UNKL: variants seen among roughly 807,000 people sequenced by gnomAD.
UNKL encodes the protein putative E3 ubiquitin-protein ligase UNKL.
UNKL carries 60 observed loss-of-function variants against 78.0 expected under a neutral mutation model. The observed-to-expected ratio is 0.77, with a 90% CI of 0.63 to 0.95. UNKL has a LOEUF of 0.95. UNKL is among the 40% of genes least tolerant of loss of function. The probability of loss-of-function intolerance (pLI) is 0.00; values close to 1 mark genes in which losing one functional copy is unlikely to be tolerated. For missense variants in UNKL, 1,159 were observed against 1,045.7 expected (o/e 1.11, Z -1.49); for synonymous variants, 608 against 474.8 (o/e 1.28, Z -3.65).
intron 10 of UNKL, among the ~76,000 whole-genome samples, chr16:1,376,716 G>A (rs1413318887): frequency 6.7e-6 from 1 of 150,348 alleles, no homozygotes; most frequent in Non-Finnish European, 1.5e-5. Flanking sequence ...ACCCCCCCAT[G>A]GACGCCTGAT....
intron 10 of UNKL, among the ~76,000 whole-genome samples, chr16:1,375,423 C>T (rs115265808): frequency 6.6e-6 from 1 of 152,226 alleles, no homozygotes; most frequent in South Asian, 2.1e-4. Flanking sequence ...CTCGTCCACA[C>T]GCCAGCCGTG....
At position 1,394,936 on chromosome 16, in the gene UNKL, C is replaced by A. The variant is rs530647215; in HGVS notation, c.853-721G>T. On this transcript the variant is annotated intron_variant, in intron 6 of 14. Transcript: ENST00000389221. ...TCTGTCACCCAGGCTGGAGTGCAGT[C>A]GCAAGATCTCGGCTCACTGCAACGT... 2.6e-5 allele frequency among the ~76,000 whole-genome samples: 4 copies of A among 151,730 alleles called. No homozygotes were observed. In the South Asian group the frequency reaches 8.3e-4, roughly 32 times the overall value.
intron 4 of UNKL, chr16:1,401,285 G>A: frequency 2.9e-6 from 1 of 342,024 alleles, no homozygotes. Flanking sequence ...TCCGGTGGGA[G>A]TTGTGCTACC....
rs1339119248 is a variant in UNKL at position 1,366,343 on chromosome 16, T to C, written c.2099A>G (p.His700Arg). ...KQCVACRERAHGAVLRPCQHH... is the reference protein window; with the variant it reads ...KQCVACRERARGAVLRPCQHH... ...CTGACAGGGCCGCAGGACAGCACCG[T>C]GGGCCCGCTCCCGGCAGGCCACACA... Residue 700 changes from histidine (H) to arginine (R), a missense_variant, in exon 15 of 15, where the codon CAC becomes CGC. Transcript: ENST00000389221. The C allele has an allele frequency of 5.0e-6, 8 of 1,604,854 alleles. No individual in the cohort carries two copies. The highest frequency in any genetic ancestry group is 1.7e-5 in the Admixed American group (1 of 59,324).
At chr16:1,414,252 C>T (rs1420902603) in intron 1 of UNKL, among the ~76,000 whole-genome samples, 197 bp from the exon 2 acceptor site, 1 of 152,086 alleles carries the variant, frequency 6.6e-6, no homozygotes, top group African/African-American at 2.4e-5. Flanking sequence ...GTAGCCCAGG[C>T]GCTGACCCTG....
rs909476525 is a variant in UNKL, at chr16:1,404,926, G to A, written c.288-1582C>T. On this transcript the variant is annotated intron_variant, in intron 2 of 14. Coordinates refer to ENST00000389221, the MANE Select transcript of UNKL (RefSeq NM_001372107.1). ...CTTAGAAGGAAGGACTGGCACACTG[G>A]CTGACATCTGTAATCCCAGCACTTT... Among the ~76,000 whole-genome samples, 4 of 152,276 alleles carry A rather than the reference G, an allele frequency of 2.6e-5. No homozygotes were observed. The East Asian group carries it at 7.7e-4, about 29-fold the overall frequency.
At chr16:1,388,130 G>A (rs558277030) in intron 9 of UNKL, among the ~76,000 whole-genome samples, 2 of 152,272 alleles carry the variant, frequency 1.3e-5, no homozygotes, top group Admixed American at 6.5e-5. Context: ...CCAAGAAGCC[G>A]TGGACGACGC....
Position 1,413,873 on chromosome 16 carries a change from G to A in UNKL, c.260C>T (p.Ala87Val). 1 of 1,534,204 alleles carries A rather than the reference G, an allele frequency of 6.5e-7. No individual in the cohort carries two copies. The highest frequency in any genetic ancestry group is 1.2e-5 in the South Asian group (1 of 83,978). ...GTCGCCGTCGGGGCACACGCCGGTG[G>A]CTTCGTTGTACTTGGAGCAGTACAC... ...PDVYCSKYNE[A>V]TGVCPDGDEC... The change falls in exon 2 of 15, where the codon GCC (alanine) becomes GTC (valine). Residue 87 changes from alanine to valine, a missense_variant. Ala to Val is a moderately conservative substitution (Grantham distance 64). Coordinates refer to ENST00000389221, the MANE Select transcript of UNKL (RefSeq NM_001372107.1).
intron 12 of UNKL, among the ~76,000 whole-genome samples, chr16:1,368,393 G>A (rs1451642216): frequency 6.6e-6 from 1 of 151,284 alleles, no homozygotes; most frequent in Admixed American, 6.6e-5. Context: ...ATGAGGTCAG[G>A]AGATCGAGAC....
At position 1,367,699 on chromosome 16, in the gene UNKL, C is replaced by T; in HGVS notation, c.1745G>A (p.Arg582Lys). 2 of 1,582,060 alleles carry T rather than the reference C, an allele frequency of 1.3e-6. No homozygotes were observed. Among genetic ancestry groups the T allele is most frequent in the South Asian group, 2.3e-5 (2 of 85,954 alleles). Residue 582 changes from arginine to lysine, a missense_variant, in exon 13 of 15, where the codon AGG becomes AAG. Arg to Lys is a conservative substitution (Grantham distance 26). Transcript: ENST00000389221. ...GGACTCCTCCCACTGCCGGATCTTC[C>T]TCTTGGCCTCGTCCAGCTGCCGCCT... ...RVRRQLDEAK[R>K]KIRQWEESWQ...
At chr16:1,370,918 T>G (rs970166047) in intron 11 of UNKL, among the ~76,000 whole-genome samples, 2 of 151,690 alleles carry the variant, frequency 1.3e-5, no homozygotes, top group African/African-American at 2.4e-5. Context: ...CCCGTCTCTA[T>G]TAAAAATACA....
At chr16:1,372,763 G>A (rs530224065) in intron 10 of UNKL, among the ~76,000 whole-genome samples, 6 of 152,294 alleles carry the variant, frequency 3.9e-5, no homozygotes, top group Non-Finnish European at 7.4e-5. Context: ...GTGGGCCGGC[G>A]CCGCCTCCCC....
In UNKL at chr16:1,366,403, G is replaced by A; in HGVS notation, c.2047-8C>T. The stretch of plus-strand genomic sequence containing the variant: ...GCGGAGCTGGAAGATCACCTGCAGG[G>A]CCAGAACAATGACGGGCTCAGGAGG... On this transcript the variant is annotated splice_polypyrimidine_tract_variant and splice_region_variant and intron_variant, in intron 14 of 14. Coordinates refer to ENST00000389221, the MANE Select transcript of UNKL (RefSeq NM_001372107.1). The A allele has an allele frequency of 6.3e-7, 1 of 1,576,642 alleles. No homozygotes were observed. Among genetic ancestry groups the A allele is most frequent in the Non-Finnish European group, 8.6e-7 (1 of 1,156,246 alleles).
chr16:1,375,780 G>A (rs1164143740), intron 10 of UNKL, among the ~76,000 whole-genome samples: 1 of 152,190 alleles, frequency 6.6e-6, no homozygotes, highest in Non-Finnish European at 1.5e-5. Flanking sequence ...CCTTGGGCCA[G>A]CCGCACCCAG....
At chr16:1,390,146 C>T (rs749833598) in intron 9 of UNKL, among the ~76,000 whole-genome samples, 6 of 152,170 alleles carry the variant, frequency 3.9e-5, no homozygotes, top group Non-Finnish European at 8.8e-5. Flanking sequence ...GCCACCATGC[C>T]TGGCTAATAT....
In UNKL at chr16:1,363,388, C is replaced by T. The variant is rs2034987506; in HGVS notation, c.*2852G>A. ...AAGAAAATTCCATTCAAATAACATT[C>T]TCATGTAAATACTCAAACATACAGA... On this transcript the variant is annotated 3_prime_UTR_variant, in exon 15 of 15. Coordinates refer to ENST00000389221, the MANE Select transcript of UNKL (RefSeq NM_001372107.1). The T allele has an allele frequency of 7.3e-6, 3 of 410,450 alleles. No individual in the cohort carries two copies. The highest frequency in any genetic ancestry group is 6.5e-5 in the South Asian group (3 of 46,280). 25.4% of individuals were successfully genotyped at this position (410,450 alleles called of 1,614,324 possible).
chr16:1,407,856 C>G (rs924862492), intron 2 of UNKL, among the ~76,000 whole-genome samples: 2 of 152,164 alleles, frequency 1.3e-5, no homozygotes, highest in Non-Finnish European at 2.9e-5. Context: ...GGCAGATGGC[C>G]ACTCGTTCTG....
chr16:1,396,763 T>C (rs1386134120), intron 6 of UNKL, among the ~76,000 whole-genome samples: 1 of 151,928 alleles, frequency 6.6e-6, no homozygotes, highest in Admixed American at 6.6e-5. Context: ...CTGGCTGATT[T>C]TTTGCATTTT....
In UNKL at chr16:1,387,971, A is replaced by G. The variant is rs1469498463; in HGVS notation, c.1087-2586T>C. ...AGAGGCCACCGCCCGGGTCACAGTCACCCCTGTGGATGTCCTCTCAGCTCC... is the reference window on the plus strand; with the variant it reads ...AGAGGCCACCGCCCGGGTCACAGTCGCCCCTGTGGATGTCCTCTCAGCTCC... On this transcript the variant is annotated intron_variant, in intron 9 of 14. Transcript: ENST00000389221. The surrounding 1 kb of genome is among the most constrained non-coding windows in gnomAD (Gnocchi z 4.1). 2.0e-5 allele frequency among the ~76,000 whole-genome samples: 3 copies of G among 151,678 alleles called. No homozygotes were observed. Among genetic ancestry groups the G allele is most frequent in the African/African-American group, 7.3e-5 (3 of 41,232 alleles).
Sources: allele counts gnomAD v4.1 joint callset (sites outside exome capture counted in the v4.1 genomes callset), GRCh38; gene constraint gnomAD v4.1.1; non-coding constraint Gnocchi (gnomAD v3.1); transcripts MANE v1.5; gene names NCBI Gene and HGNC (gene_info 2026-07-23, HGNC 2026-07-21).